The following PPHLN1 variants were observed in gnomAD, a reference collection of about 807,000 sequenced individuals.
PPHLN1 encodes periphilin-1.
In PPHLN1, 29 loss-of-function variants were observed where a neutral mutation model predicts 51.3. The observed-to-expected ratio is 0.57, with a 90% CI of 0.42 to 0.77. The LOEUF (loss-of-function observed/expected upper bound fraction) is 0.77, where lower values mean the gene tolerates loss of function less well. Among genes scored for constraint, PPHLN1 ranks in the 30% least tolerant of loss-of-function variants. PPHLN1 has a pLI of 0.00. For missense variants in PPHLN1, 436 were observed against 438.4 expected (o/e 0.99, Z 0.05); for synonymous variants, 147 against 147.8 (o/e 0.99, Z 0.04).
intron 5 of PPHLN1, 119 bp from the exon 6 acceptor site, chr12:42,384,821 G>C (rs1474809044): frequency 1.1e-6 from 1 of 898,340 alleles, no homozygotes; most frequent in Non-Finnish European, 1.7e-6. Flanking sequence ...AAGAGTTTAG[G>C]GCCACCAGAA....
intron 9 of PPHLN1, among the ~76,000 whole-genome samples, chr12:42,411,451 G>A (rs1244339835): frequency 2.0e-5 from 3 of 152,042 alleles, no homozygotes; most frequent in East Asian, 1.9e-4. Flanking sequence ...AGTCACTTCT[G>A]TTACTTCCTG....
At chr12:42,360,458 C>CTTTTTTATTTTTTTTTTTTTTTTTTTT (rs2074529379) in intron 4 of PPHLN1, among the ~76,000 whole-genome samples, 1 of 56,274 alleles carries the variant, frequency 1.8e-5, no homozygotes, top group African/African-American at 7.6e-5. Context: ...ATGCTGAATT[C>CTTTTTTATTTTTTTTTTTTTTTTTTTT]TTTTTTTTTT....
chr12:42,376,065 AAATT>A (rs1277747866), intron 5 of PPHLN1, among the ~76,000 whole-genome samples: 19 of 152,218 alleles, frequency 1.2e-4, no homozygotes, highest in African/African-American at 4.1e-4. Context: ...AAGGTGAGAA[AAATT>A]AATTCACACT....
intron 4 of PPHLN1, among the ~76,000 whole-genome samples, chr12:42,367,638 A>T (rs1196605235): frequency 6.6e-6 from 1 of 152,174 alleles, no homozygotes; most frequent in Non-Finnish European, 1.5e-5. Flanking sequence ...TCTTCCATTG[A>T]ATTATCTTCG....
chr12:42,363,482 G>T (rs930354108), intron 4 of PPHLN1, among the ~76,000 whole-genome samples: 3 of 151,348 alleles, frequency 2.0e-5, no homozygotes, highest in African/African-American at 7.3e-5. Context: ...TCATGCTGTG[G>T]AACATACTTT....
intron 9 of PPHLN1, among the ~76,000 whole-genome samples, chr12:42,412,162 G>A (rs548640461): frequency 6.6e-6 from 1 of 152,148 alleles, no homozygotes; most frequent in Admixed American, 6.5e-5. Flanking sequence ...CCAAGATCAC[G>A]CCACTGCACT....
downstream of PPHLN1, chr12:42,445,201 A>G (rs112504464): frequency 0.014 from 9,348 of 692,334 alleles, 629 homozygotes; most frequent in African/African-American, 0.14. Flanking sequence ...GCTTATGGCA[A>G]TGATCAAGCA....
intron 7 of PPHLN1, among the ~76,000 whole-genome samples, chr12:42,390,501 T>C (rs1331521995): frequency 2.0e-5 from 3 of 148,708 alleles, no homozygotes; most frequent in Admixed American, 1.4e-4. Context: ...AGTTTTGTGC[T>C]ACATGTTAAA....
chr12:42,343,695 G>A (rs1396347149), intron 2 of PPHLN1: 5 of 269,336 alleles, frequency 1.9e-5, no homozygotes, highest in African/African-American at 4.7e-5. Context: ...GCCCTAAGAG[G>A]TGTTTTACTT....
intron 4 of PPHLN1, among the ~76,000 whole-genome samples, chr12:42,372,966 G>A (rs561453030): frequency 6.6e-6 from 1 of 152,222 alleles, no homozygotes; most frequent in Admixed American, 6.5e-5. Context: ...AGTCTAGAGG[G>A]TATATTCTTG....
At chr12:42,442,681 G>C (rs371381549), downstream of PPHLN1, 4 of 1,614,006 alleles carry the variant, frequency 2.5e-6, no homozygotes, top group African/African-American at 5.3e-5. Flanking sequence ...CCCCTGTGAG[G>C]AACACTGAAA....
intron 9 of PPHLN1, among the ~76,000 whole-genome samples, chr12:42,418,855 A>G (rs951724667): frequency 4.6e-5 from 7 of 152,064 alleles, no homozygotes; most frequent in African/African-American, 1.4e-4. Flanking sequence ...TGTTTTTTTC[A>G]CCACTTGTAC....
intron 4 of PPHLN1, among the ~76,000 whole-genome samples, chr12:42,365,108 A>G (rs2075129439): frequency 6.6e-6 from 1 of 152,200 alleles, no homozygotes; most frequent in South Asian, 2.1e-4. Flanking sequence ...ATTTTTTGAT[A>G]GGATAGAAGA....
chr12:42,409,249 CA>C (rs1199005961), intron 9 of PPHLN1, among the ~76,000 whole-genome samples: 4 of 150,792 alleles, frequency 2.7e-5, no homozygotes, highest in Non-Finnish European at 4.4e-5. Flanking sequence ...TCATTAAAAC[CA>C]AAAAAAATGG....
chr12:42,354,447 TGA>T (rs2073806047), intron 3 of PPHLN1, among the ~76,000 whole-genome samples: 1 of 152,110 alleles, frequency 6.6e-6, no homozygotes, highest in African/African-American at 2.4e-5. Context: ...TGAACTCAAG[TGA>T]TACACCCTCC....
chr12:42,384,829 G>C (rs557043747), intron 5 of PPHLN1, 111 bp from the exon 6 acceptor site: 16 of 1,030,322 alleles, frequency 1.6e-5, no homozygotes, highest in East Asian at 2.5e-5. Context: ...AGGGCCACCA[G>C]AAAATGCTCA....
intron 6 of PPHLN1, among the ~76,000 whole-genome samples, chr12:42,386,112 A>C (rs993573732): frequency 2.0e-5 from 3 of 152,134 alleles, no homozygotes; most frequent in African/African-American, 7.2e-5. Flanking sequence ...AAACTGGAAT[A>C]CTCAGCCTAG....
At chr12:42,368,780 AT>A (rs1440993528) in intron 4 of PPHLN1, among the ~76,000 whole-genome samples, 2 of 152,218 alleles carry the variant, frequency 1.3e-5, no homozygotes, top group African/African-American at 4.8e-5. Flanking sequence ...CAGCCAAAAC[AT>A]TTCTATCATT....
chr12:42,336,921 T>G (rs988245484), intron 2 of PPHLN1, among the ~76,000 whole-genome samples: 1 of 152,218 alleles, frequency 6.6e-6, no homozygotes, highest in Non-Finnish European at 1.5e-5. Context: ...ATAGCCCACT[T>G]AGATGGGTGG....
Sources: gnomAD v4.1 joint callset for allele counts (sites outside exome capture counted in the v4.1 genomes callset) on GRCh38, gnomAD v4.1.1 for gene constraint, MANE v1.5 for transcripts, NCBI Gene and HGNC (gene_info 2026-07-23, HGNC 2026-07-21) for gene names.